The following SCMH1 variants were observed in gnomAD, a reference collection of about 807,000 sequenced individuals.
The protein encoded by SCMH1 is polycomb protein SCMH1.
SCMH1 carries 37 observed loss-of-function variants against 70.8 expected under a neutral mutation model. That is an observed-to-expected ratio of 0.52 (90% CI 0.40 to 0.69). The LOEUF is 0.69. Among genes scored for constraint, SCMH1 ranks in the 30% least tolerant of loss-of-function variants. SCMH1 has a pLI of 0.00. For missense variants in SCMH1, 607 were observed against 827.3 expected (o/e 0.73, Z 3.27); for synonymous variants, 292 against 307.4 (o/e 0.95, Z 0.52).
intron 5 of SCMH1, among the ~76,000 whole-genome samples, chr1:41,147,358 C>T (rs1572603808): frequency 6.6e-6 from 1 of 152,098 alleles, no homozygotes; most frequent in South Asian, 2.1e-4. Context: ...TAGTCTTTCA[C>T]CATTAAGTAA....
intron 2 of SCMH1, among the ~76,000 whole-genome samples, chr1:41,163,310 C>T (rs1572751134): frequency 1.3e-5 from 2 of 152,172 alleles, no homozygotes; most frequent in East Asian, 1.9e-4. Flanking sequence ...CGTTCATACA[C>T]ACTCCTCACC....
At chr1:41,168,651 T>TG (rs1407106503) in intron 2 of SCMH1, among the ~76,000 whole-genome samples, 4 of 130,684 alleles carry the variant, frequency 3.1e-5, no homozygotes, top group African/African-American at 1.0e-4. Context: ...TTTTTTTTTT[T>TG]GGGAATAGAT....
chr1:41,211,592 G>A (rs1657039257), intron 1 of SCMH1, among the ~76,000 whole-genome samples: 1 of 152,192 alleles, frequency 6.6e-6, no homozygotes, highest in South Asian at 2.1e-4. Context: ...TTCAACCACT[G>A]TGGAAGACAG....
intron 6 of SCMH1, among the ~76,000 whole-genome samples, chr1:41,122,101 G>GT (rs1418105176): frequency 1.1e-4 from 16 of 152,158 alleles, no homozygotes; most frequent in Admixed American, 9.8e-4. Flanking sequence ...ATATGGTTAT[G>GT]TTTTTAAAAA....
chr1:41,136,481 G>A (rs1414056806), intron 6 of SCMH1, among the ~76,000 whole-genome samples: 3 of 151,110 alleles, frequency 2.0e-5, no homozygotes, highest in Middle Eastern at 3.5e-3. Context: ...AGGTTCAAGT[G>A]ATTCTCCTCA....
At chr1:41,048,449 T>G (rs1486270990) in intron 11 of SCMH1, among the ~76,000 whole-genome samples, 1 of 151,968 alleles carries the variant, frequency 6.6e-6, no homozygotes, top group Non-Finnish European at 1.5e-5. Context: ...GTCAATCAGG[T>G]AGATGGGGGG....
chr1:41,070,352 T>C (rs1212911962), intron 10 of SCMH1, among the ~76,000 whole-genome samples: 3 of 152,228 alleles, frequency 2.0e-5, no homozygotes, highest in Admixed American at 6.5e-5. Context: ...AAGGCTATTA[T>C]TCTAAACTAG....
intron 1 of SCMH1, among the ~76,000 whole-genome samples, chr1:41,209,755 A>G (rs1162397835): frequency 2.0e-5 from 3 of 152,244 alleles, no homozygotes; most frequent in Non-Finnish European, 4.4e-5. Flanking sequence ...CCCACAGCCA[A>G]TATCATACTG....
intron 4 of SCMH1, chr1:41,159,836 CA>C: frequency 7.3e-7 from 1 of 1,379,220 alleles, no homozygotes; most frequent in Non-Finnish European, 9.4e-7. Flanking sequence ...AGCCGCTGAA[CA>C]GAATGAAAAT....
intron 5 of SCMH1, among the ~76,000 whole-genome samples, chr1:41,150,733 G>A (rs1370582928): frequency 1.3e-5 from 2 of 151,478 alleles, no homozygotes; most frequent in Non-Finnish European, 2.9e-5. Context: ...TCAGGAGATC[G>A]AGACCATCCT....
chr1:41,099,272 C>A (rs1241350862), intron 8 of SCMH1: 2 of 152,660 alleles, frequency 1.3e-5, no homozygotes, highest in Admixed American at 6.5e-5. Context: ...AAGGATCTCT[C>A]TTCCACTCCT....
intron 10 of SCMH1, among the ~76,000 whole-genome samples, chr1:41,058,797 T>C (rs772561556): frequency 6.6e-6 from 1 of 152,168 alleles, no homozygotes; most frequent in Non-Finnish European, 1.5e-5. Context: ...ATGTGAATGT[T>C]TGAAGAGCAA....
chr1:41,062,412 T>A (rs1187574515), intron 10 of SCMH1, among the ~76,000 whole-genome samples: 1 of 151,820 alleles, frequency 6.6e-6, no homozygotes, highest in Non-Finnish European at 1.5e-5. Flanking sequence ...GAATCCAGCC[T>A]GACCAACATG....
At chr1:41,032,557 T>G (rs1369894043) in intron 13 of SCMH1, among the ~76,000 whole-genome samples, 1 of 152,162 alleles carries the variant, frequency 6.6e-6, no homozygotes, top group Non-Finnish European at 1.5e-5. Context: ...GGAAAACCAC[T>G]GGCTTTTCTG....
chr1:41,177,326 A>G (rs1374775297), intron 2 of SCMH1, among the ~76,000 whole-genome samples: 1 of 152,232 alleles, frequency 6.6e-6, no homozygotes, highest in Non-Finnish European at 1.5e-5. Context: ...TCTAAAAATC[A>G]GAGCGCCTCT....
At chr1:41,070,003 A>T (rs114324611) in intron 10 of SCMH1, among the ~76,000 whole-genome samples, 1,582 of 152,344 alleles carry the variant, frequency 0.01, 16 homozygotes, top group Non-Finnish European at 0.017. Context: ...CATTTATCTT[A>T]ACTTACACAT....
chr1:41,161,626 A>G (rs1044279249), intron 2 of SCMH1, 194 bp from the exon 3 acceptor site: 11 of 504,862 alleles, frequency 2.2e-5, no homozygotes, highest in East Asian at 1.0e-4. Context: ...TAACAAAAAA[A>G]GGAACACCTA....
chr1:41,034,014 C>T (rs1644924437), intron 13 of SCMH1: 1 of 1,613,760 alleles, frequency 6.2e-7, no homozygotes. Flanking sequence ...AAAATGATTC[C>T]ATATCCCTTC....
intron 6 of SCMH1, among the ~76,000 whole-genome samples, chr1:41,123,179 G>A (rs1422348124): frequency 1.3e-5 from 2 of 152,130 alleles, no homozygotes; most frequent in Non-Finnish European, 2.9e-5. Flanking sequence ...CTATGATTGT[G>A]ACGCTGCATT....
Sources: allele counts gnomAD v4.1 joint callset (sites outside exome capture counted in the v4.1 genomes callset), GRCh38; gene constraint gnomAD v4.1.1; transcripts MANE v1.5; gene names NCBI Gene and HGNC (gene_info 2026-07-23, HGNC 2026-07-21).